PDE7A: variants seen among roughly 807,000 people sequenced by gnomAD.
The protein encoded by PDE7A is high affinity 3',5'-cyclic-AMP phosphodiesterase 7A.
In PDE7A, 39 loss-of-function variants were observed where a neutral mutation model predicts 64.3. That is an observed-to-expected ratio of 0.61 (90% CI 0.47 to 0.79). The LOEUF is 0.79. Ranked by LOEUF, PDE7A falls within the 30% of genes least tolerant of loss-of-function variation. The probability of loss-of-function intolerance (pLI) is 0.00; values close to 1 mark genes in which losing one functional copy is unlikely to be tolerated. For missense variants in PDE7A, 470 were observed against 582.8 expected, an observed-to-expected ratio of 0.81 and a Z score of 1.99; for synonymous variants, 203 against 206.8, an observed-to-expected ratio of 0.98 and a Z score of 0.16.
intron 12 of PDE7A, 111 bp from the exon 13 acceptor site, chr8:65,719,606 CT>C: frequency 1.4e-6 from 1 of 703,276 alleles, no homozygotes; most frequent in Non-Finnish European, 2.4e-6. Flanking sequence ...TTACCCAGAT[CT>C]TATTCTTCAA....
chr8:65,734,836 C>T lies in PDE7A; in HGVS notation c.654G>A (p.Ala218=), dbSNP rs763637723. Residue 218 remains alanine, a synonymous_variant, in exon 7 of 13, where the codon GCG becomes GCA. Coordinates refer to ENST00000401827, the MANE Select transcript of PDE7A (RefSeq NM_001242318.3). ...QNPYHNAVHA[A]DVTQAMHCYL... ...AACAGTGCATGGCCTGAGTAACATC[C>T]GCAGCGTGGACTGCGTTATGGTAAG... is the stretch of plus-strand genomic sequence containing the variant. 4.6e-5 allele frequency: 74 copies of T among 1,612,132 alleles called. No individual in the cohort carries two copies. Among genetic ancestry groups the T allele is most frequent in the South Asian group, 1.5e-4 (14 of 91,016 alleles).
At position 65,814,984 on chromosome 8, in the gene PDE7A, G is replaced by A. The variant is rs559364935; in HGVS notation, c.138+26387C>T. On this transcript the variant is annotated intron_variant, in intron 1 of 12. Coordinates refer to ENST00000401827, the MANE Select transcript of PDE7A (RefSeq NM_001242318.3). Reference sequence around the variant, plus strand: ...TAATCCCAGCTACTCGGGAGGCTGAGGCAGGAGAATTGCTTGAAACCAGGA... The same window carrying A: ...TAATCCCAGCTACTCGGGAGGCTGAAGCAGGAGAATTGCTTGAAACCAGGA... Among the ~76,000 whole-genome samples, 7 of 152,230 alleles carry A rather than the reference G, an allele frequency of 4.6e-5. No individual in the cohort carries two copies. In the South Asian group the frequency reaches 1.4e-3, roughly 32 times the overall value.
intron 1 of PDE7A, among the ~76,000 whole-genome samples, chr8:65,816,517 T>C (rs982678916): frequency 3.9e-5 from 6 of 152,248 alleles, no homozygotes; most frequent in Non-Finnish European, 7.3e-5. Flanking sequence ...CTTAATCTTT[T>C]AGTATTTCTT....
At position 65,724,365 on chromosome 8, in the gene PDE7A, CATT is replaced by C; in HGVS notation, c.1066-17_1066-15del. ...TTTCAAAGCCATCTAGCAAACAAAA[CATT>C]AATATTGTTTTAAGATATATACACA... On this transcript the variant is annotated splice_polypyrimidine_tract_variant and intron_variant, in intron 10 of 12. Transcript: ENST00000401827. The C allele has an allele frequency of 6.3e-7, 1 of 1,580,396 alleles. No individual in the cohort carries two copies.
Position 65,835,437 on chromosome 8 carries a change from T to C in PDE7A, c.138+5934A>G, listed in dbSNP as rs1810926838. On this transcript the variant is annotated intron_variant, in intron 1 of 12. Coordinates refer to ENST00000401827, the MANE Select transcript of PDE7A (RefSeq NM_001242318.3). ...TCATCATCTAAATTTACTAGGTCTT[T>C]AATCCAGTTAAATGACTGTTAACGA... 2.0e-5 allele frequency among the ~76,000 whole-genome samples: 3 copies of C among 152,248 alleles called. No individual in the cohort carries two copies. The South Asian group carries it at 6.2e-4, about 31-fold the overall frequency.
chr8:65,813,293 T>G (rs1235929592), intron 1 of PDE7A, among the ~76,000 whole-genome samples: 1 of 152,154 alleles, frequency 6.6e-6, no homozygotes, highest in Non-Finnish European at 1.5e-5. Context: ...GAATATTTAC[T>G]GCAGCACTGT....
chr8:65,770,690 TATG>T (rs1342186416), intron 3 of PDE7A, among the ~76,000 whole-genome samples: 1 of 152,234 alleles, frequency 6.6e-6, no homozygotes, highest in Non-Finnish European at 1.5e-5. Context: ...AACATTTATA[TATG>T]ATGACTCCAT....
At chr8:65,758,657 TC>T (rs1390354394) in intron 3 of PDE7A, among the ~76,000 whole-genome samples, 7 of 152,222 alleles carry the variant, frequency 4.6e-5, no homozygotes, top group African/African-American at 1.7e-4. Context: ...TACTTATCTT[TC>T]AAACTATACT....
intron 5 of PDE7A, among the ~76,000 whole-genome samples, chr8:65,742,776 G>A (rs982478426): frequency 6.6e-5 from 10 of 152,164 alleles, no homozygotes; most frequent in Admixed American, 3.3e-4. Context: ...TTAACTGAAT[G>A]TATAAATCTC....
At chr8:65,725,578 A>G (rs1806575433) in intron 9 of PDE7A, 1 of 152,928 alleles carries the variant, frequency 6.5e-6, no homozygotes, top group South Asian at 2.1e-4. Context: ...ATCAATTAAC[A>G]AGATAAACAT....
chr8:65,773,496 C>T (rs975657715), intron 3 of PDE7A, among the ~76,000 whole-genome samples: 5 of 152,184 alleles, frequency 3.3e-5, no homozygotes, highest in African/African-American at 9.7e-5. Context: ...ACAAAGCTTC[C>T]ACATCACTGG....
rs562323396 is a variant in PDE7A at position 65,834,546 on chromosome 8, C to A, written c.138+6825G>T. On this transcript the variant is annotated intron_variant, in intron 1 of 12. Transcript: ENST00000401827. ...AAACTACTGCATCTTTATTAAGAAC[C>A]ACTTGCCAAGTACTTTATATGGTCC... is the stretch of plus-strand genomic sequence containing the variant. 7.9e-5 allele frequency among the ~76,000 whole-genome samples: 12 copies of A among 152,226 alleles called. No individual in the cohort carries two copies. In the South Asian group the frequency reaches 2.5e-3, roughly 32 times the overall value.
intron 2 of PDE7A, among the ~76,000 whole-genome samples, chr8:65,780,424 C>T (rs1056531053): frequency 2.6e-5 from 4 of 152,174 alleles, no homozygotes; most frequent in East Asian, 1.9e-4. Context: ...CATCCAAGGC[C>T]TTTAGCTGAG....
intron 5 of PDE7A, among the ~76,000 whole-genome samples, chr8:65,740,488 C>T (rs1807368325): frequency 6.6e-6 from 1 of 152,094 alleles, no homozygotes; most frequent in South Asian, 2.1e-4. Context: ...GCAACCTCCA[C>T]CTCCTGAGTT....
chr8:65,760,418 C>G (rs1292759044), intron 3 of PDE7A, among the ~76,000 whole-genome samples: 1 of 152,104 alleles, frequency 6.6e-6, no homozygotes, highest in Non-Finnish European at 1.5e-5. Flanking sequence ...ATCCTTATAA[C>G]TAAATTTTTG....
intron 1 of PDE7A, among the ~76,000 whole-genome samples, chr8:65,808,644 A>AT (rs1305300511): frequency 6.6e-6 from 1 of 152,146 alleles, no homozygotes; most frequent in Non-Finnish European, 1.5e-5. Context: ...CTTTCCCTTG[A>AT]TTTTTAATGA....
chr8:65,747,688 T>C lies in PDE7A; in HGVS notation c.399A>G (p.Leu133=). 6.2e-7 allele frequency: 1 copy of C among 1,611,520 alleles called. No homozygotes were observed. The change falls in exon 4 of 13, where the codon CTA becomes CTG. Residue 133 remains leucine (L), a synonymous_variant. Transcript: ENST00000401827. ...FFRGTAVSNS[L]NILDDDYNGQ... Reference sequence around the variant, plus strand: ...CATTATAATCATCATCTAAAATGTTTAGGGAATTTGAAACCGCAGTACCAC... The same window carrying C: ...CATTATAATCATCATCTAAAATGTTCAGGGAATTTGAAACCGCAGTACCAC...
intron 3 of PDE7A, among the ~76,000 whole-genome samples, chr8:65,778,646 GC>G (rs745844982): frequency 1.3e-5 from 2 of 151,998 alleles, no homozygotes; most frequent in Non-Finnish European, 2.9e-5. Flanking sequence ...CTCCTCCGAG[GC>G]CCCGAGTGTC....
intron 7 of PDE7A, among the ~76,000 whole-genome samples, chr8:65,729,703 T>C (rs577616450): frequency 6.6e-6 from 1 of 151,084 alleles, no homozygotes; most frequent in South Asian, 2.1e-4. Context: ...GCTGGGATTA[T>C]AGGCGCCTAC....
Sources: gnomAD v4.1 joint callset for allele counts (sites outside exome capture counted in the v4.1 genomes callset) on GRCh38, gnomAD v4.1.1 for gene constraint, MANE v1.5 for transcripts, NCBI Gene and HGNC (gene_info 2026-07-23, HGNC 2026-07-21) for gene names.